HMGA2: variants seen among roughly 807,000 people sequenced by gnomAD.
HMGA2 encodes high mobility group protein HMGI-C.
A neutral mutation model predicts 19.1 loss-of-function variants in HMGA2; 8 were observed. The observed-to-expected ratio is 0.42, with a 90% CI of 0.25 to 0.76. HMGA2 has a LOEUF of 0.76. Ranked by LOEUF, HMGA2 falls within the 30% of genes least tolerant of loss-of-function variation. The pLI is 0.28. For synonymous variants in HMGA2, 60 were observed against 48.8 expected, an observed-to-expected ratio of 1.23 and a Z score of -0.96; for missense variants, 109 against 136.3, an observed-to-expected ratio of 0.80 and a Z score of 1.00.
chr12:65,856,631 T>A (rs1364806581), intron 3 of HMGA2: 3 of 152,320 alleles, frequency 2.0e-5, no homozygotes, highest in Non-Finnish European at 2.9e-5. Context: ...ACAACAGAAA[T>A]TTGCTCTTTC....
chr12:65,888,552 CTCTTTTTTTTTTTTTTTTTT>C (rs1308760496), intron 3 of HMGA2, among the ~76,000 whole-genome samples: 2 of 90,304 alleles, frequency 2.2e-5, no homozygotes, highest in Non-Finnish European at 4.2e-5. Flanking sequence ...CCGTGGTGTG[CTCTTTTTTTTTTTTTTTTTT>C]TTTTTTTTTG....
intron 3 of HMGA2, chr12:65,857,804 A>G (rs1871821293): frequency 6.6e-6 from 1 of 152,222 alleles, no homozygotes; most frequent in South Asian, 2.1e-4. Context: ...TTAGCTTCAA[A>G]TATACCTCTT....
intron 2 of HMGA2, among the ~76,000 whole-genome samples, chr12:65,829,611 G>T (rs1870387084): frequency 6.6e-6 from 1 of 151,972 alleles, no homozygotes; most frequent in African/African-American, 2.4e-5. Flanking sequence ...AACACATCAT[G>T]ATAATATCTC....
chr12:65,852,266 G>A (rs1219995109), intron 3 of HMGA2, among the ~76,000 whole-genome samples: 2 of 152,200 alleles, frequency 1.3e-5, no homozygotes, highest in African/African-American at 4.8e-5. Context: ...GGAGGCCAAG[G>A]CAGGTGGATC....
At chr12:65,923,635 C>T (rs1875400412) in intron 3 of HMGA2, among the ~76,000 whole-genome samples, 1 of 152,206 alleles carries the variant, frequency 6.6e-6, no homozygotes, top group Non-Finnish European at 1.5e-5. Flanking sequence ...TATGGTAGGA[C>T]AGCAACATAA....
At chr12:65,840,609 C>G (rs1388815188) in intron 3 of HMGA2, among the ~76,000 whole-genome samples, 1 of 152,090 alleles carries the variant, frequency 6.6e-6, no homozygotes, top group African/African-American at 2.4e-5. Context: ...ACTGCTGCTT[C>G]CATTATACTC....
At chr12:65,837,036 A>G (rs773543420) in intron 2 of HMGA2, among the ~76,000 whole-genome samples, 2 of 152,196 alleles carry the variant, frequency 1.3e-5, no homozygotes, top group Non-Finnish European at 1.5e-5. Flanking sequence ...ACCTTGAGCC[A>G]GTTGTATACC....
At chr12:65,944,632 A>T (rs2121298245) in intron 3 of HMGA2, among the ~76,000 whole-genome samples, 1 of 145,982 alleles carries the variant, frequency 6.9e-6, no homozygotes, top group East Asian at 2.0e-4. Context: ...ATACAGCCTA[A>T]TGACAAGTCA....
intron 3 of HMGA2, chr12:65,851,608 G>T (rs765899940): frequency 5.3e-5 from 23 of 436,956 alleles, no homozygotes; most frequent in Admixed American, 4.0e-4. Context: ...GCGGAGTTTG[G>T]AGTGAGCCAA....
intron 3 of HMGA2, among the ~76,000 whole-genome samples, chr12:65,903,720 G>A (rs971167357): frequency 5.9e-5 from 9 of 152,202 alleles, no homozygotes; most frequent in African/African-American, 1.9e-4. Flanking sequence ...TGTGTTCCAA[G>A]AGTAGTGCTT....
intron 3 of HMGA2, among the ~76,000 whole-genome samples, chr12:65,877,682 AG>A (rs1873118201): frequency 6.6e-6 from 1 of 152,160 alleles, no homozygotes; most frequent in Non-Finnish European, 1.5e-5. Flanking sequence ...TGCTTTGAAG[AG>A]AGCAAAAAAG....
chr12:65,894,397 A>G (rs1337681231), intron 3 of HMGA2, among the ~76,000 whole-genome samples: 3 of 152,190 alleles, frequency 2.0e-5, no homozygotes, highest in Non-Finnish European at 2.9e-5. Context: ...AGAGAACTCT[A>G]TAGTGGTGGA....
rs1000452212 is a variant in HMGA2, at chr12:65,964,717, A to G, written c.*1425A>G. 1.0e-5 allele frequency: 2 copies of G among 200,848 alleles called. No individual in the cohort carries two copies. Among genetic ancestry groups the G allele is most frequent in the Non-Finnish European group, 2.1e-5 (2 of 97,344 alleles). The allele number at this position is 200,848 out of a possible 1,614,324, so 12.4% of individuals were successfully genotyped here. On this transcript the variant is annotated 3_prime_UTR_variant, in exon 5 of 5. Transcript: ENST00000403681. ...AATCTCCTTACTGTGTTTCAGCATGACTATGTATTTTTCTATGTTTTTTTA... is the reference window on the plus strand; with the variant it reads ...AATCTCCTTACTGTGTTTCAGCATGGCTATGTATTTTTCTATGTTTTTTTA...
At chr12:65,873,714 T>C (rs550612820) in intron 3 of HMGA2, 1 of 152,350 alleles carries the variant, frequency 6.6e-6, no homozygotes. Flanking sequence ...TGTTATATTT[T>C]ATTATATTCA....
At chr12:65,850,412 A>G (rs1218862337) in intron 3 of HMGA2, among the ~76,000 whole-genome samples, 1 of 152,114 alleles carries the variant, frequency 6.6e-6, no homozygotes, top group Non-Finnish European at 1.5e-5. Flanking sequence ...TGATAAAGCA[A>G]ATGGGTTATG....
At chr12:65,943,798 A>G (rs927017012) in intron 3 of HMGA2, among the ~76,000 whole-genome samples, 2 of 152,188 alleles carry the variant, frequency 1.3e-5, no homozygotes, top group Non-Finnish European at 2.9e-5. Context: ...ATGTGTACAC[A>G]CATTTCACAG....
At chr12:65,874,098 T>C (rs1446573505) in intron 3 of HMGA2, 3 of 152,192 alleles carry the variant, frequency 2.0e-5, no homozygotes, top group African/African-American at 7.2e-5. Flanking sequence ...TCAATTATGT[T>C]TTCTTCCTTG....
At chr12:65,951,359 A>G (rs754376786) in intron 3 of HMGA2, 24 bp from the exon 4 acceptor site, 8 of 1,458,466 alleles carry the variant, frequency 5.5e-6, no homozygotes, top group South Asian at 5.3e-5. Context: ...CTTTTAAAAT[A>G]TATCTTTTTC....
chr12:65,905,525 A>G (rs1874555133), intron 3 of HMGA2, among the ~76,000 whole-genome samples: 1 of 152,224 alleles, frequency 6.6e-6, no homozygotes, highest in Non-Finnish European at 1.5e-5. Context: ...AGCAGAAGAC[A>G]AATAAAATAC....
Sources: allele counts gnomAD v4.1 joint callset (sites outside exome capture counted in the v4.1 genomes callset), GRCh38; gene constraint gnomAD v4.1.1; transcripts MANE v1.5; gene names NCBI Gene and HGNC (gene_info 2026-07-23, HGNC 2026-07-21).